Variants in EMCN observed in about 807,000 individuals in gnomAD.
The protein encoded by EMCN is MUC-14.
A neutral mutation model predicts 38.4 loss-of-function variants in EMCN; 37 were observed. That is an observed-to-expected ratio of 0.96 (90% CI 0.74 to 1.27). The LOEUF (loss-of-function observed/expected upper bound fraction) is 1.27. EMCN is among the 50% of genes most tolerant of loss of function. The probability of loss-of-function intolerance (pLI) is 0.00; values close to 1 mark genes in which losing one functional copy is unlikely to be tolerated. For synonymous variants in EMCN, 95 were observed against 100.8 expected (o/e 0.94, Z 0.35); for missense variants, 318 against 302.8 (o/e 1.05, Z -0.37).
At chr4:100,452,354 G>A (rs990871737) in intron 4 of EMCN, among the ~76,000 whole-genome samples, 1 of 151,918 alleles carries the variant, frequency 6.6e-6, no homozygotes, top group African/African-American at 2.4e-5. Flanking sequence ...ATTAAGAAAA[G>A]CCAGATTATC....
chr4:100,417,190 A>G, intron 8 of EMCN, 49 bp from the exon 9 acceptor site: 5 of 1,596,082 alleles, frequency 3.1e-6, no homozygotes, highest in South Asian at 1.1e-5. Context: ...GTTGGCTACC[A>G]TAAATATGAG....
At chr4:100,424,653 C>T (rs1726993971) in intron 5 of EMCN, among the ~76,000 whole-genome samples, 1 of 151,904 alleles carries the variant, frequency 6.6e-6, no homozygotes, top group Non-Finnish European at 1.5e-5. Flanking sequence ...GATATATGCC[C>T]ATAAGAACAA....
intron 1 of EMCN, among the ~76,000 whole-genome samples, chr4:100,508,296 T>A (rs6820177): frequency 0.42 from 64,327 of 152,006 alleles, 14,568 homozygotes; most frequent in East Asian, 0.71. Context: ...CTTCACCACT[T>A]CAGTATGCTG....
At chr4:100,450,618 T>C (rs1364056941) in intron 4 of EMCN, among the ~76,000 whole-genome samples, 1 of 151,980 alleles carries the variant, frequency 6.6e-6, no homozygotes, top group African/African-American at 2.4e-5. Flanking sequence ...TGGCATTGAC[T>C]GAGTCATTAG....
intron 1 of EMCN, among the ~76,000 whole-genome samples, chr4:100,501,073 G>A (rs1326606683): frequency 6.6e-6 from 1 of 151,842 alleles, no homozygotes; most frequent in African/African-American, 2.4e-5. Context: ...TAATTCCAAT[G>A]CAATGAAATG....
intron 1 of EMCN, among the ~76,000 whole-genome samples, chr4:100,511,466 A>T (rs867997056): frequency 6.6e-6 from 1 of 152,166 alleles, no homozygotes; most frequent in Non-Finnish European, 1.5e-5. Flanking sequence ...CAATGGATTT[A>T]AAAAAACAGT....
intron 1 of EMCN, among the ~76,000 whole-genome samples, chr4:100,487,587 C>G (rs1189313376): frequency 6.6e-6 from 1 of 152,188 alleles, no homozygotes; most frequent in Non-Finnish European, 1.5e-5. Context: ...AAGGGAGAGA[C>G]CAGATGGAGA....
At chr4:100,480,095 A>G (rs1207704949) in intron 1 of EMCN, 56 bp from the exon 2 acceptor site, 1 of 1,496,214 alleles carries the variant, frequency 6.7e-7, no homozygotes, top group Non-Finnish European at 9.1e-7. Flanking sequence ...CAATTAATAG[A>G]CTAGTATATT....
At chr4:100,469,739 A>G (rs1728422640) in intron 3 of EMCN, among the ~76,000 whole-genome samples, 1 of 151,990 alleles carries the variant, frequency 6.6e-6, no homozygotes, top group South Asian at 2.1e-4. Context: ...TAGATAGTGT[A>G]GGTATGTGGC....
intron 1 of EMCN, among the ~76,000 whole-genome samples, chr4:100,512,582 A>C (rs1222076818): frequency 6.6e-6 from 1 of 152,116 alleles, no homozygotes; most frequent in Admixed American, 6.6e-5. Flanking sequence ...AGGCAGGTGG[A>C]TCACCTGAGG....
At chr4:100,406,721 C>T (rs1178215349) in intron 11 of EMCN, among the ~76,000 whole-genome samples, 3 of 152,034 alleles carry the variant, frequency 2.0e-5, no homozygotes, top group African/African-American at 4.8e-5. Context: ...GTTGAGTGGA[C>T]TTTTCTGTAG....
chr4:100,440,736 G>T (rs184510726), intron 5 of EMCN, among the ~76,000 whole-genome samples: 1 of 151,958 alleles, frequency 6.6e-6, no homozygotes, highest in East Asian at 1.9e-4. Flanking sequence ...ACATACATGC[G>T]CAAGTGTATT....
At chr4:100,483,970 C>A (rs1268938718) in intron 1 of EMCN, among the ~76,000 whole-genome samples, 1 of 152,092 alleles carries the variant, frequency 6.6e-6, no homozygotes, top group Non-Finnish European at 1.5e-5. Flanking sequence ...TGTGCCAAAG[C>A]AGATAGCGCT....
At chr4:100,454,286 G>T (rs1411174680) in intron 4 of EMCN, among the ~76,000 whole-genome samples, 3 of 149,170 alleles carry the variant, frequency 2.0e-5, no homozygotes, top group Admixed American at 1.3e-4. Flanking sequence ...TTGAAGTTTT[G>T]CAAGGAAGTT....
At chr4:100,406,175 C>T (rs1014075004) in intron 11 of EMCN, among the ~76,000 whole-genome samples, 4 of 151,818 alleles carry the variant, frequency 2.6e-5, no homozygotes, top group East Asian at 1.9e-4. Context: ...ATTTATTCTT[C>T]CAAAAGGCAA....
chr4:100,411,475 T>A (rs1726551579), intron 10 of EMCN, among the ~76,000 whole-genome samples: 1 of 152,102 alleles, frequency 6.6e-6, no homozygotes, highest in Admixed American at 6.6e-5. Flanking sequence ...TTCCTCAAGG[T>A]CTGTTTAATT....
At chr4:100,427,444 T>C (rs1468546868) in intron 5 of EMCN, among the ~76,000 whole-genome samples, 1 of 130,678 alleles carries the variant, frequency 7.7e-6, no homozygotes, top group African/African-American at 3.6e-5. Flanking sequence ...GCTAATTTTC[T>C]CTCTCTCTCT....
At position 100,415,885 on chromosome 4, in the gene EMCN, T is replaced by A. The variant is rs1726712867; in HGVS notation, c.751+13A>T. On this transcript the variant is annotated intron_variant, in intron 10 of 11. Coordinates refer to ENST00000296420, the MANE Select transcript of EMCN (RefSeq NM_016242.4). The stretch of plus-strand genomic sequence containing the variant: ...AACTAATTTTCATCTAATCAACTTG[T>A]CTGGAAACTTACCAGACTCATGAGA... 1.3e-6 allele frequency: 2 copies of A among 1,563,706 alleles called. No individual in the cohort carries two copies. Among genetic ancestry groups the A allele is most frequent in the African/African-American group, 1.4e-5 (1 of 72,246 alleles).
chr4:100,435,748 A>G (rs1292692713), intron 5 of EMCN, among the ~76,000 whole-genome samples: 1 of 152,112 alleles, frequency 6.6e-6, no homozygotes, highest in Non-Finnish European at 1.5e-5. Flanking sequence ...TCTGATCTTC[A>G]ACAACCCTGA....
Sources: gnomAD v4.1 joint callset for allele counts (sites outside exome capture counted in the v4.1 genomes callset) on GRCh38, gnomAD v4.1.1 for gene constraint, MANE v1.5 for transcripts, NCBI Gene and HGNC (gene_info 2026-07-23, HGNC 2026-07-21) for gene names.